CTNNA1: variants seen among roughly 807,000 people sequenced by gnomAD.
CTNNA1 encodes the protein catenin alpha 1, also known as catenin alpha-1.
A neutral mutation model predicts 98.4 loss-of-function variants in CTNNA1; 37 were observed. That is an observed-to-expected ratio of 0.38 (90% CI 0.29 to 0.49). The LOEUF (loss-of-function observed/expected upper bound fraction) is 0.49, where lower values mean the gene tolerates loss of function less well. CTNNA1 is among the 20% of genes least tolerant of loss of function. CTNNA1 has a pLI of 0.95. For synonymous variants in CTNNA1, 404 were observed against 413.2 expected, an observed-to-expected ratio of 0.98 and a Z score of 0.27; for missense variants, 761 against 1,147.2, an observed-to-expected ratio of 0.66 and a Z score of 4.86.
At chr5:138,813,656 C>G (rs1370948680) in intron 5 of CTNNA1, among the ~76,000 whole-genome samples, 2 of 152,160 alleles carry the variant, frequency 1.3e-5, no homozygotes, top group Non-Finnish European at 2.9e-5. Flanking sequence ...CAGGAGATCT[C>G]ACTCTGTTGC....
intron 15 of CTNNA1, 48 bp downstream of exon 15, chr5:138,930,702 C>T: frequency 6.3e-7 from 1 of 1,586,072 alleles, no homozygotes. Flanking sequence ...CTACTTTCTT[C>T]CCCACAGGTC....
intron 7 of CTNNA1, among the ~76,000 whole-genome samples, chr5:138,839,283 G>A (rs1219223085): frequency 6.6e-6 from 1 of 151,946 alleles, no homozygotes; most frequent in Non-Finnish European, 1.5e-5. Flanking sequence ...GAAGTATAGA[G>A]GCATGATCTC....
intron 1 of CTNNA1, among the ~76,000 whole-genome samples, chr5:138,781,528 C>G (rs1755108040): frequency 1.3e-5 from 2 of 150,136 alleles, no homozygotes; most frequent in Admixed American, 1.3e-4. Flanking sequence ...GCCCTCCAGC[C>G]TGGGCGAAAG....
chr5:138,758,814 GT>G (rs1168348314), intron 1 of CTNNA1, among the ~76,000 whole-genome samples: 6 of 146,374 alleles, frequency 4.1e-5, no homozygotes, highest in East Asian at 2.0e-4. Flanking sequence ...GACAGTTTTT[GT>G]TTTTTTTTTG....
Position 138,814,526 on chromosome 5 carries a change from C to T in CTNNA1, c.588+2224C>T, listed in dbSNP as rs183651960. Among the ~76,000 whole-genome samples, 28 of 152,274 alleles carry T rather than the reference C, an allele frequency of 1.8e-4. No individual in the cohort carries two copies. The East Asian group carries it at 4.4e-3, about 24-fold the overall frequency. On this transcript the variant is annotated intron_variant, in intron 5 of 17. Transcript: ENST00000302763. ...TAAATGTGGCAAGCCGGCCAAATTA[C>T]ATTCACAATTTATTTTAATTAATGG...
intron 7 of CTNNA1, among the ~76,000 whole-genome samples, chr5:138,851,575 T>C (rs1025155100): frequency 3.3e-5 from 5 of 149,874 alleles, no homozygotes; most frequent in Non-Finnish European, 7.4e-5. Context: ...CTGGCCAACA[T>C]GGTGAAACCC....
At chr5:138,854,750 C>T (rs113723612) in intron 7 of CTNNA1, among the ~76,000 whole-genome samples, 6 of 152,294 alleles carry the variant, frequency 3.9e-5, no homozygotes, top group Non-Finnish European at 8.8e-5. Flanking sequence ...CCCTTATTCT[C>T]TGTAGACACT....
chr5:138,893,353 C>T (rs1003679183), intron 9 of CTNNA1, among the ~76,000 whole-genome samples: 1 of 152,024 alleles, frequency 6.6e-6, no homozygotes, highest in African/African-American at 2.4e-5. Context: ...TGCTGCTGCT[C>T]AGTGTCATCA....
intron 1 of CTNNA1, among the ~76,000 whole-genome samples, chr5:138,779,890 A>G (rs1754857683): frequency 6.6e-6 from 1 of 151,610 alleles, no homozygotes; most frequent in South Asian, 2.1e-4. Flanking sequence ...TAATTTTTGT[A>G]GTTTTAATAG....
intron 7 of CTNNA1, among the ~76,000 whole-genome samples, chr5:138,864,003 T>C (rs1360218652): frequency 6.6e-6 from 1 of 152,200 alleles, no homozygotes; most frequent in Admixed American, 6.5e-5. Flanking sequence ...TGCTCTGTTA[T>C]CTAGGCTGGA....
At chr5:138,777,878 A>G (rs1754542421) in intron 1 of CTNNA1, among the ~76,000 whole-genome samples, 1 of 38,138 alleles carries the variant, frequency 2.6e-5, no homozygotes, top group African/African-American at 8.1e-5. Context: ...CCGTGGGGAG[A>G]GGGAGAGGGA....
At chr5:138,828,583 G>C (rs1199409961) in intron 7 of CTNNA1, among the ~76,000 whole-genome samples, 1 of 152,140 alleles carries the variant, frequency 6.6e-6, no homozygotes. Context: ...TTAAGGGGAA[G>C]AAGGACAACA....
At position 138,755,480 on chromosome 5, in the gene CTNNA1, C is replaced by T. The variant is rs562849765; in HGVS notation, c.-3+1970C>T. On this transcript the variant is annotated intron_variant, in intron 1 of 17. Coordinates refer to ENST00000302763, the MANE Select transcript of CTNNA1 (RefSeq NM_001903.5). ...TTTCCTCGCCCTCACTCTTTCCTCT[C>T]GTACCCAGGGTTCTTTCCAAAGTAT... Among the ~76,000 whole-genome samples the T allele has an allele frequency of 3.9e-5, 6 of 152,304 alleles. No individual in the cohort carries two copies. The South Asian group carries it at 6.2e-4, about 16-fold the overall frequency.
At chr5:138,887,827 C>G (rs1029517481) in intron 9 of CTNNA1, 185 bp downstream of exon 9, 8 of 503,076 alleles carry the variant, frequency 1.6e-5, no homozygotes, top group Middle Eastern at 3.1e-4. Context: ...TTTACATTAA[C>G]TATGTACGTT....
chr5:138,854,436 G>A (rs893360318), intron 7 of CTNNA1, among the ~76,000 whole-genome samples: 1 of 152,126 alleles, frequency 6.6e-6, no homozygotes, highest in African/African-American at 2.4e-5. Context: ...CCCCCCAACT[G>A]AACACATGTA....
intron 7 of CTNNA1, among the ~76,000 whole-genome samples, chr5:138,844,793 A>T (rs1762567962): frequency 6.6e-6 from 1 of 152,238 alleles, no homozygotes. Context: ...TAGGATATAC[A>T]AAGAAAGAAA....
chr5:138,797,239 A>G (rs975703045), intron 3 of CTNNA1, among the ~76,000 whole-genome samples: 42 of 152,176 alleles, frequency 2.8e-4, no homozygotes, highest in Admixed American at 2.0e-4. Flanking sequence ...AACTTTTTTT[A>G]TATAAAAGTA....
intron 7 of CTNNA1, among the ~76,000 whole-genome samples, chr5:138,857,973 G>A (rs116310880): frequency 0.011 from 1,692 of 152,240 alleles, 27 homozygotes; most frequent in African/African-American, 0.039. Flanking sequence ...CCACTTCTTA[G>A]ATTCTATTAA....
intron 4 of CTNNA1, chr5:138,811,912 AGAGAGGGAGAGGGAGACCGTGGG>A (rs1338947249): frequency 3.3e-5 from 10 of 305,186 alleles, no homozygotes; most frequent in East Asian, 1.8e-4. Context: ...GACCGTGGAA[AGAGAGGGAGAGGGAGACCGTGGG>A]GAGAGGGAGA....
Sources: gnomAD v4.1 joint callset for allele counts (sites outside exome capture counted in the v4.1 genomes callset) on GRCh38, gnomAD v4.1.1 for gene constraint, MANE v1.5 for transcripts, NCBI Gene and HGNC (gene_info 2026-07-23, HGNC 2026-07-21) for gene names.